Variants in ARHGAP42 observed in about 807,000 individuals in gnomAD.
ARHGAP42 encodes Rho GTPase activating protein 42, also known as rho GTPase-activating protein 42.
A neutral mutation model predicts 125.0 loss-of-function variants in ARHGAP42; 63 were observed. That is an observed-to-expected ratio of 0.50 (90% confidence interval 0.41 to 0.62). ARHGAP42 has a LOEUF of 0.62. ARHGAP42 is among the 20% of genes least tolerant of loss of function. The probability of loss-of-function intolerance (pLI) is 0.00; values close to 1 mark genes in which losing one functional copy is unlikely to be tolerated. For missense variants in ARHGAP42, 766 were observed against 1,024.2 expected (o/e 0.75, Z 3.44); for synonymous variants, 339 against 351.0 (o/e 0.97, Z 0.38).
Position 100,933,339 on chromosome 11 carries a change from T to C in ARHGAP42, c.702+79T>C, listed in dbSNP as rs1292823119. The C allele has an allele frequency of 4.7e-6, 5 of 1,068,338 alleles. No homozygotes were observed. In the East Asian group the frequency reaches 1.5e-4, roughly 31 times the overall value. The allele number at this position is 1,068,338 out of a possible 1,614,324, so 66.2% of individuals were successfully genotyped here. On this transcript the variant is annotated intron_variant, in intron 7 of 23. Coordinates refer to ENST00000298815, the MANE Select transcript of ARHGAP42 (RefSeq NM_152432.4). ...ACAGGGCAACTAATTACAATTTTTT[T>C]CTAGCTGCTAGTGGAAAATACAACC...
chr11:100,959,256 A>AT (rs1857893385), intron 12 of ARHGAP42, among the ~76,000 whole-genome samples: 1 of 152,132 alleles, frequency 6.6e-6, no homozygotes, highest in Non-Finnish European at 1.5e-5. Flanking sequence ...TAGCCAAAAA[A>AT]CAATGAAAAT....
chr11:100,928,724 A>G (rs1173228421), intron 6 of ARHGAP42, among the ~76,000 whole-genome samples: 2 of 152,224 alleles, frequency 1.3e-5, no homozygotes, highest in East Asian at 1.9e-4. Flanking sequence ...AAGCATTTTC[A>G]TCACCTTAAA....
intron 2 of ARHGAP42, among the ~76,000 whole-genome samples, chr11:100,788,980 C>T (rs1271048172): frequency 6.6e-6 from 1 of 151,948 alleles, no homozygotes; most frequent in Non-Finnish European, 1.5e-5. Context: ...TAGTATAATG[C>T]TGGGTATCAC....
chr11:100,715,771 T>TA (rs1281836501), intron 1 of ARHGAP42, among the ~76,000 whole-genome samples: 1 of 152,246 alleles, frequency 6.6e-6, no homozygotes, highest in Non-Finnish European at 1.5e-5. Flanking sequence ...CAGGGATTGA[T>TA]ACTGGTGCAC....
At chr11:100,772,982 G>A (rs1028431219) in intron 2 of ARHGAP42, among the ~76,000 whole-genome samples, 40 of 152,140 alleles carry the variant, frequency 2.6e-4, no homozygotes, top group African/African-American at 9.4e-4. Flanking sequence ...GATTATAGGC[G>A]TATGCCACCA....
At chr11:100,941,212 T>C (rs1241343920) in intron 8 of ARHGAP42, among the ~76,000 whole-genome samples, 1 of 152,130 alleles carries the variant, frequency 6.6e-6, no homozygotes, top group Non-Finnish European at 1.5e-5. Context: ...GCGGGCAGTG[T>C]AGCTGGAGCT....
chr11:100,700,262 A>G (rs1861374038), intron 1 of ARHGAP42, among the ~76,000 whole-genome samples: 2 of 152,246 alleles, frequency 1.3e-5, no homozygotes, highest in Non-Finnish European at 2.9e-5. Flanking sequence ...CATCTGAGCC[A>G]TCAGCGAGTT....
chr11:100,769,289 G>T (rs1438695108), intron 1 of ARHGAP42, among the ~76,000 whole-genome samples: 4 of 152,172 alleles, frequency 2.6e-5, no homozygotes, highest in African/African-American at 9.7e-5. Flanking sequence ...ATTTGTCCAA[G>T]GTCACATAGC....
At chr11:100,876,402 A>G (rs1865825763) in intron 4 of ARHGAP42, among the ~76,000 whole-genome samples, 1 of 150,864 alleles carries the variant, frequency 6.6e-6, no homozygotes, top group African/African-American at 2.4e-5. Flanking sequence ...TTAAATATTT[A>G]AGAGAAGGTC....
intron 22 of ARHGAP42, chr11:100,986,393 C>T: frequency 3.6e-6 from 1 of 275,098 alleles, no homozygotes; most frequent in Non-Finnish European, 7.0e-6. Context: ...AGAAAGAGGG[C>T]CATTGTGACT....
intron 3 of ARHGAP42, among the ~76,000 whole-genome samples, chr11:100,815,430 G>T (rs915480988): frequency 3.9e-5 from 6 of 152,178 alleles, no homozygotes; most frequent in African/African-American, 2.4e-5. Context: ...TTTTGGCCAT[G>T]TTAATCACTG....
chr11:100,747,485 G>A (rs375295611), intron 1 of ARHGAP42, among the ~76,000 whole-genome samples: 1 of 152,084 alleles, frequency 6.6e-6, no homozygotes, highest in South Asian at 2.1e-4. Context: ...GTTAAAGAGC[G>A]GATTAGTGCT....
chr11:100,687,861 C>T (rs951383585), intron 1 of ARHGAP42, 29 bp downstream of exon 1: 4 of 1,531,588 alleles, frequency 2.6e-6, no homozygotes, highest in African/African-American at 1.4e-5. Context: ...GGAGTGGACA[C>T]CCGCATCTGG....
chr11:100,903,713 T>A (rs368268821), intron 4 of ARHGAP42, among the ~76,000 whole-genome samples: 2,475 of 13,346 alleles, frequency 0.19, 123 homozygotes, highest in African/African-American at 0.27. Flanking sequence ...CCTCAAAATA[T>A]ATATATATAT....
chr11:100,965,857 T>C (rs1565298321), intron 17 of ARHGAP42, 81 bp downstream of exon 17: 8 of 1,200,568 alleles, frequency 6.7e-6, no homozygotes, highest in Non-Finnish European at 9.5e-6. Context: ...TGTGTGATGA[T>C]GTTATAACAT....
intron 4 of ARHGAP42, among the ~76,000 whole-genome samples, chr11:100,863,755 G>T (rs1865504182): frequency 6.6e-6 from 1 of 152,182 alleles, no homozygotes; most frequent in African/African-American, 2.4e-5. Context: ...TATTCAGAAT[G>T]AAATTGTGTT....
intron 3 of ARHGAP42, among the ~76,000 whole-genome samples, chr11:100,853,019 A>G (rs1001585596): frequency 3.3e-5 from 5 of 152,206 alleles, no homozygotes; most frequent in African/African-American, 1.2e-4. Flanking sequence ...CTGAGAATAC[A>G]GGTTCTGAAT....
chr11:100,727,946 C>G (rs1268878115), intron 1 of ARHGAP42, among the ~76,000 whole-genome samples: 1 of 152,070 alleles, frequency 6.6e-6, no homozygotes, highest in Non-Finnish European at 1.5e-5. Flanking sequence ...GCAGGGCAGT[C>G]TTGTGGGAGT....
At chr11:100,741,876 T>C (rs1862194705) in intron 1 of ARHGAP42, among the ~76,000 whole-genome samples, 1 of 152,234 alleles carries the variant, frequency 6.6e-6, no homozygotes, top group South Asian at 2.1e-4. Flanking sequence ...GACTGCAATG[T>C]GCAGTTCTGG....
Sources: allele counts gnomAD v4.1 joint callset (sites outside exome capture counted in the v4.1 genomes callset), GRCh38; gene constraint gnomAD v4.1.1; transcripts MANE v1.5; gene names NCBI Gene and HGNC (gene_info 2026-07-23, HGNC 2026-07-21).